Variants in ZSCAN1 observed in about 807,000 individuals in gnomAD.
ZSCAN1 encodes the protein zinc finger and SCAN domain-containing protein 1.
In ZSCAN1, 23 loss-of-function variants were observed where a neutral mutation model predicts 23.8. The ratio of observed to expected loss-of-function variants is 0.97; its 90% CI spans 0.70 to 1.37. The LOEUF (loss-of-function observed/expected upper bound fraction) is 1.37. Among genes scored for constraint, ZSCAN1 ranks in the 40% most tolerant of loss-of-function variants. The probability of loss-of-function intolerance (pLI) is 0.00; values close to 1 mark genes in which losing one functional copy is unlikely to be tolerated. For synonymous variants in ZSCAN1, 236 were observed against 232.3 expected, an observed-to-expected ratio of 1.02 and a Z score of -0.15; for missense variants, 575 against 554.0, an observed-to-expected ratio of 1.04 and a Z score of -0.38.
At chr19:58,054,727 C>G (rs905556240), downstream of ZSCAN1, 1 of 152,268 alleles carries the variant, frequency 6.6e-6, no homozygotes. The surrounding 1 kb of genome is among the most constrained non-coding windows in gnomAD (Gnocchi z 4.2). Flanking sequence ...GTCCTCAGCA[C>G]GCCTTCGCCA....
intron 4 of ZSCAN1, among the ~76,000 whole-genome samples, chr19:58,041,540 G>A (rs1488331698): frequency 3.3e-5 from 5 of 152,360 alleles, no homozygotes; most frequent in East Asian, 3.9e-4. Context: ...CTGCACATGT[G>A]TGTCTCCCAC....
At chr19:58,043,120 AGG>A (rs2073801546) in intron 4 of ZSCAN1, among the ~76,000 whole-genome samples, 1 of 152,246 alleles carries the variant, frequency 6.6e-6, no homozygotes, top group African/African-American at 2.4e-5. Flanking sequence ...GCGGGAGCGT[AGG>A]TGAGGGACAG....
At position 58,038,101 on chromosome 19, in the gene ZSCAN1, G is replaced by C. The variant is rs148253808; in HGVS notation, c.265G>C (p.Ala89Pro). Reference sequence around the variant, plus strand: ...GCTGGTGCTGGAGCAGTTCCTGGGCGCGCTGCCCAGCAAGATGCGGACCTG... The same window carrying C: ...GCTGGTGCTGGAGCAGTTCCTGGGCCCGCTGCCCAGCAAGATGCGGACCTG... ...ELLVLEQFLG[A>P]LPSKMRTWVQ... Residue 89 changes from alanine to proline, a missense_variant, in exon 3 of 6, where the codon GCG (alanine) becomes CCG (proline). Ala to Pro is a conservative substitution (Grantham distance 27). Coordinates refer to ENST00000282326, the MANE Select transcript of ZSCAN1 (RefSeq NM_182572.4). 60 of 1,610,998 alleles carry C rather than the reference G, an allele frequency of 3.7e-5. No individual in the cohort carries two copies. Among genetic ancestry groups the C allele is most frequent in the South Asian group, 3.3e-5 (3 of 90,992 alleles).
At position 58,045,623 on chromosome 19, in the gene ZSCAN1, G is replaced by T. The variant is rs1461023173; in HGVS notation, c.465+5079G>T. 5 of 958,650 alleles carry T rather than the reference G, an allele frequency of 5.2e-6. No homozygotes were observed. In the Admixed American group the frequency reaches 8.5e-5, roughly 16 times the overall value. 59.4% of individuals were successfully genotyped at this position (958,650 alleles called of 1,614,324 possible). A position where few individuals can be genotyped will look rare whatever the true frequency, so the allele number is the denominator to read the frequency against. On this transcript the variant is annotated intron_variant, in intron 4 of 5. Coordinates refer to ENST00000282326, the MANE Select transcript of ZSCAN1 (RefSeq NM_182572.4). This position sits in a 1 kb window ranked among gnomAD's most constrained non-coding sequence, Gnocchi z 4.3. ...CGCTTCCAGCTCACGATGCGGCTGC[G>T]CTCCATAAAGGCAGAGGACAAGCTG... is the stretch of plus-strand genomic sequence containing the variant.
chr19:58,036,641 G>C (rs1329381758), intron 2 of ZSCAN1, among the ~76,000 whole-genome samples: 1 of 149,414 alleles, frequency 6.7e-6, no homozygotes, highest in East Asian at 2.0e-4. Context: ...TCAGCCTCCC[G>C]AGTAGCTGGG....
In ZSCAN1 at chr19:58,053,808, C is replaced by T; in HGVS notation, c.984C>T (p.Val328=). 6.2e-7 allele frequency: 1 copy of T among 1,614,138 alleles called. No individual in the cohort carries two copies. Residue 328 remains valine (V), a synonymous_variant, in exon 6 of 6, where the codon GTC becomes GTT. Coordinates refer to ENST00000282326, the MANE Select transcript of ZSCAN1 (RefSeq NM_182572.4). The surrounding 1 kb of genome is among the most constrained non-coding windows in gnomAD (Gnocchi z 5.8). ...TTCCGTGCCCCGAGTGTGGCAAGGT[C>T]TTCCTGCACAACTCCGTCCTCACTG... The part of the protein sequence containing the change: ...GPFPCPECGK[V]FLHNSVLTEH...
rs886995721 is a variant in ZSCAN1 at position 58,053,367 on chromosome 19, C to G, written c.605-62C>G. 6.4e-7 allele frequency: 1 copy of G among 1,554,356 alleles called. No individual in the cohort carries two copies. Among genetic ancestry groups the G allele is most frequent in the African/African-American group, 1.4e-5 (1 of 73,650 alleles). On this transcript the variant is annotated intron_variant, in intron 5 of 5. Coordinates refer to ENST00000282326, the MANE Select transcript of ZSCAN1 (RefSeq NM_182572.4). This position sits in a 1 kb window ranked among gnomAD's most constrained non-coding sequence, Gnocchi z 5.8. The stretch of plus-strand genomic sequence containing the variant: ...TGGGGTCCTCCGTGCCCCTGGGGAG[C>G]ACAGGGAGATGCCAAGGCCATCCAC...
At chr19:58,037,347 C>G (rs762826565) in intron 2 of ZSCAN1, among the ~76,000 whole-genome samples, 19 of 152,014 alleles carry the variant, frequency 1.2e-4, no homozygotes, top group Non-Finnish European at 2.6e-4. Context: ...GCTCGTCAGT[C>G]AATGTGTGTT....
Position 58,037,868 on chromosome 19 carries a change from C to T in ZSCAN1, c.32C>T (p.Pro11Leu). The change falls in exon 3 of 6, where the codon CCC (proline) becomes CTC (leucine). Residue 11 changes from proline to leucine, a missense_variant. Physicochemically the swap from Pro to Leu is moderately conservative, Grantham distance 98. Transcript: ENST00000282326. MLPRPKAPAS[P>L]RRPQTPTPSE... ...CCACGGCCCAAAGCCCCTGCCTCCC[C>T]CAGACGCCCCCAGACCCCAACCCCG... The T allele has an allele frequency of 6.5e-7, 1 of 1,527,112 alleles. No individual in the cohort carries two copies. Among genetic ancestry groups the T allele is most frequent in the Non-Finnish European group, 8.8e-7 (1 of 1,140,140 alleles). 94.6% of individuals were successfully genotyped at this position (1,527,112 alleles called of 1,614,324 possible).
At position 58,040,540 on chromosome 19, in the gene ZSCAN1, C is replaced by T. The variant is rs774760226; in HGVS notation, c.461C>T (p.Ser154Leu). Residue 154 changes from serine to leucine, a missense_variant, in exon 4 of 6, where the codon TCG becomes TTG. Ser to Leu is a moderately radical substitution (Grantham distance 145). Transcript: ENST00000282326. The surrounding 1 kb of genome is among the most constrained non-coding windows in gnomAD (Gnocchi z 5.8). ...AGTCCAAGGTCCCAGAAAGAACCAT[C>T]GCAGGTGAGCCCGGGGCCCCCAGCT... is the stretch of plus-strand genomic sequence containing the variant. Reference protein sequence around the residue: ...GKSPRSQKEPSQASELILDAV... With the variant: ...GKSPRSQKEPLQASELILDAV... 46 of 1,613,180 alleles carry T rather than the reference C, an allele frequency of 2.9e-5. No homozygotes were observed. The highest frequency in any genetic ancestry group is 3.6e-5 in the Non-Finnish European group (42 of 1,179,974).
chr19:58,038,502 G>T, intron 3 of ZSCAN1: 1 of 565,262 alleles, frequency 1.8e-6, no homozygotes, highest in Non-Finnish European at 3.1e-6. Flanking sequence ...CTCTGGGAAG[G>T]ACGCTGCCTC....
chr19:58,043,004 G>C (rs551341550), intron 4 of ZSCAN1, among the ~76,000 whole-genome samples: 5 of 152,378 alleles, frequency 3.3e-5, no homozygotes, highest in Admixed American at 2.0e-4. Flanking sequence ...GTGGAGAGAC[G>C]GCAGCTCCGG....
In ZSCAN1 at chr19:58,054,047, T is replaced by C. The variant is rs763870475; in HGVS notation, c.1223T>C (p.Met408Thr). 4 of 1,509,688 alleles carry C rather than the reference T, an allele frequency of 2.6e-6. No homozygotes were observed. The highest frequency in any genetic ancestry group is 2.7e-6 in the Non-Finnish European group (3 of 1,129,648). The allele number at this position is 1,509,688 out of a possible 1,614,324, so 93.5% of individuals were successfully genotyped here. A position where few individuals can be genotyped will look rare whatever the true frequency, so the allele number is the denominator to read the frequency against. Reference protein sequence around the residue: ...HQKLHTAHGHM With the variant: ...HQKLHTAHGHT Reference sequence around the variant, plus strand: ...AAGCTCCACACGGCCCACGGCCACATGTGAATGGCCAGCCTCGGGCCTCGG... The same window carrying C: ...AAGCTCCACACGGCCCACGGCCACACGTGAATGGCCAGCCTCGGGCCTCGG... Residue 408 changes from methionine to threonine, a missense_variant, in exon 6 of 6, where the codon ATG becomes ACG. By Grantham distance (81) the Met-to-Thr change is moderately conservative. Transcript: ENST00000282326. This position sits in a 1 kb window ranked among gnomAD's most constrained non-coding sequence, Gnocchi z 4.2.
rs2123419278 is a variant in ZSCAN1 at position 58,037,879 on chromosome 19, C to T, written c.43C>T (p.Gln15Ter). 1.3e-6 allele frequency: 2 copies of T among 1,561,050 alleles called. No individual in the cohort carries two copies. Among genetic ancestry groups the T allele is most frequent in the Non-Finnish European group, 8.6e-7 (1 of 1,157,326 alleles). ...AGCCCCTGCCTCCCCCAGACGCCCC[C>T]AGACCCCAACCCCGAGTGAGCAGGA... ...PKAPASPRRP[Q>*]TPTPSEQDAD... The change falls in exon 3 of 6, where the codon CAG (glutamine) becomes TAG (stop). Residue 15 changes from glutamine (Q) to a stop codon, truncating the protein, a stop_gained. Coordinates refer to ENST00000282326, the MANE Select transcript of ZSCAN1 (RefSeq NM_182572.4). LOFTEE classifies it high-confidence loss of function.
intron 4 of ZSCAN1, chr19:58,046,601 A>T: frequency 1.2e-6 from 1 of 839,768 alleles, no homozygotes; most frequent in Admixed American, 1.7e-5. Context: ...GAAAATAAGG[A>T]TGGCAAGGTC....
Position 58,045,242 on chromosome 19 carries a change from G to A in ZSCAN1, c.465+4698G>A. The A allele has an allele frequency of 1.2e-6, 1 of 804,636 alleles. No individual in the cohort carries two copies. The highest frequency in any genetic ancestry group is 2.3e-6 in the Non-Finnish European group (1 of 441,418). The allele number at this position is 804,636 out of a possible 1,614,324, so 49.8% of individuals were successfully genotyped here. A position where few individuals can be genotyped will look rare whatever the true frequency, so the allele number is the denominator to read the frequency against. On this transcript the variant is annotated intron_variant, in intron 4 of 5. Transcript: ENST00000282326. The surrounding 1 kb of genome is among the most constrained non-coding windows in gnomAD (Gnocchi z 4.3). Reference sequence around the variant, plus strand: ...CGTTCCTCCTGTTCGTGGTGGTGCCGTTCGTGGAGTTTCTGCTGCCTGTTG... The same window carrying A: ...CGTTCCTCCTGTTCGTGGTGGTGCCATTCGTGGAGTTTCTGCTGCCTGTTG...
chr19:58,055,949 G>A (rs1025659330), downstream of ZSCAN1, among the ~76,000 whole-genome samples: 5 of 152,098 alleles, frequency 3.3e-5, no homozygotes, highest in Admixed American at 2.0e-4. Flanking sequence ...AGAAAACAAC[G>A]CAAACTGCCT....
chr19:58,040,637 T>C lies in ZSCAN1; in HGVS notation c.465+93T>C, dbSNP rs2073781913. 3.1e-6 allele frequency: 4 copies of C among 1,285,316 alleles called. No homozygotes were observed. The highest frequency in any genetic ancestry group is 1.5e-5 in the African/African-American group (1 of 68,302). The allele number at this position is 1,285,316 out of a possible 1,614,324, so 79.6% of individuals were successfully genotyped here. On this transcript the variant is annotated intron_variant, in intron 4 of 5. Transcript: ENST00000282326. This position sits in a 1 kb window ranked among gnomAD's most constrained non-coding sequence, Gnocchi z 5.8. ...TCAAGGATGCCCCATCCAAGGACTG[T>C]GTGAGGTTGTCCCCAGCGCTCCCAG...
At chr19:58,050,149 T>A (rs1018817992) in intron 4 of ZSCAN1, among the ~76,000 whole-genome samples, 3 of 151,834 alleles carry the variant, frequency 2.0e-5, no homozygotes, top group Non-Finnish European at 4.4e-5. Flanking sequence ...TTAAGATAAT[T>A]CCTGGCCGGA....
Sources: gnomAD v4.1 joint callset for allele counts (sites outside exome capture counted in the v4.1 genomes callset) on GRCh38, gnomAD v4.1.1 for gene constraint, Gnocchi (gnomAD v3.1) non-coding constraint, MANE v1.5 for transcripts, NCBI Gene and HGNC (gene_info 2026-07-23, HGNC 2026-07-21) for gene names.